Variants in CBR3 observed in about 807,000 individuals in gnomAD.
CBR3 encodes carbonyl reductase 3.
CBR3 carries 14 observed loss-of-function variants against 11.6 expected under a neutral mutation model. The ratio of observed to expected loss-of-function variants is 1.20; its 90% CI spans 0.79 to 1.88. The LOEUF (loss-of-function observed/expected upper bound fraction) is 1.88. Ranked by LOEUF, CBR3 falls within the 40% of genes most tolerant of loss-of-function variation. The pLI is 0.00. For synonymous variants in CBR3, 125 were observed against 145.6 expected (o/e 0.86, Z 1.02); for missense variants, 308 against 357.3 (o/e 0.86, Z 1.11).
intron 2 of CBR3, among the ~76,000 whole-genome samples, chr21:36,140,760 C>A (rs1428232809): frequency 1.3e-5 from 2 of 152,096 alleles, no homozygotes; most frequent in African/African-American, 4.8e-5. Context: ...GTAATCCTAG[C>A]ACTTTGGGAG....
chr21:36,136,053 G>A (rs2065657818), intron 1 of CBR3, among the ~76,000 whole-genome samples: 1 of 152,126 alleles, frequency 6.6e-6, no homozygotes, highest in Admixed American at 6.5e-5. Context: ...CCCCACCCCC[G>A]CCCGGGGAGC....
intron 1 of CBR3, among the ~76,000 whole-genome samples, chr21:36,136,251 G>A (rs968060249): frequency 6.6e-6 from 1 of 151,220 alleles, no homozygotes; most frequent in African/African-American, 2.4e-5. Context: ...CTGGGAGGCA[G>A]TGAGCCGAGA....
intron 2 of CBR3, chr21:36,138,744 CTTTTTTTTTTTTT>C (rs751330163): frequency 8.1e-6 from 1 of 123,172 alleles, no homozygotes; most frequent in African/African-American, 3.2e-5. Flanking sequence ...TTTTTCTTTT[CTTTTTTTTTTTTT>C]TTTTTTGAGA....
intron 1 of CBR3, chr21:36,137,512 AAGG>A: frequency 7.0e-4 from 3 of 4,306 alleles, no homozygotes; most frequent in Non-Finnish European, 1.4e-3. Context: ...GAAAGGAAGG[AAGG>A]AAGGAAGGAA....
intron 1 of CBR3, 162 bp downstream of exon 1, chr21:36,135,643 C>T (rs2065653532): frequency 3.0e-6 from 2 of 673,822 alleles, no homozygotes; most frequent in African/African-American, 1.9e-5. Context: ...TTTCGCTTTC[C>T]GTGATTCGCT....
At chr21:36,146,018 T>G (rs1438063303) in intron 2 of CBR3, 58 bp from the exon 3 acceptor site, 9 of 1,139,672 alleles carry the variant, frequency 7.9e-6, no homozygotes, top group Non-Finnish European at 1.2e-5. Context: ...TGGTATATTA[T>G]TCAACCAGTG....
chr21:36,139,881 CTTTTTTTTTT>C (rs10689993), intron 2 of CBR3, among the ~76,000 whole-genome samples: 90 of 89,868 alleles, frequency 1.0e-3, no homozygotes, highest in Admixed American at 2.4e-3. Context: ...GATGCAAAAC[CTTTTTTTTTT>C]TTTTTTTTTT....
rs1342334257 is a variant in CBR3, at chr21:36,135,248, T to C, written c.56T>C (p.Leu19Ser). ...ACCGGGGCCAACAGGGGCATCGGCTTGGCCATCGCGCGCGAACTGTGCCGA... is the reference window on the plus strand; with the variant it reads ...ACCGGGGCCAACAGGGGCATCGGCTCGGCCATCGCGCGCGAACTGTGCCGA... ...LVTGANRGIG[L>S]AIARELCRQF... Residue 19 changes from leucine to serine, a missense_variant, in exon 1 of 3, where the codon TTG becomes TCG. Coordinates refer to ENST00000290354, the MANE Select transcript of CBR3 (RefSeq NM_001236.4). 3 of 1,578,772 alleles carry C rather than the reference T, an allele frequency of 1.9e-6. No homozygotes were observed. The highest frequency in any genetic ancestry group is 8.6e-7 in the Non-Finnish European group (1 of 1,164,392).
chr21:36,145,007 G>T (rs8130007), intron 2 of CBR3: 127,765 of 152,038 alleles, frequency 0.84, 53,722 homozygotes, highest in Non-Finnish European at 0.87. Context: ...GGGAGGCTGA[G>T]GCAGGAGAAT....
intron 2 of CBR3, chr21:36,138,776 C>T (rs1319098252): frequency 4.8e-5 from 6 of 126,032 alleles, no homozygotes; most frequent in Admixed American, 2.8e-4. Flanking sequence ...GACAGAGTCT[C>T]GCTCTGTCAT....
intron 2 of CBR3, among the ~76,000 whole-genome samples, chr21:36,142,224 A>G (rs2065714829): frequency 6.6e-6 from 1 of 152,064 alleles, no homozygotes; most frequent in Non-Finnish European, 1.5e-5. Context: ...TGAGGTCAGG[A>G]GATTGAGACT....
At position 36,135,330 on chromosome 21, in the gene CBR3, C is replaced by G; in HGVS notation, c.138C>G (p.Ala46=). 6.2e-7 allele frequency: 1 copy of G among 1,611,936 alleles called. No individual in the cohort carries two copies. Among genetic ancestry groups the G allele is most frequent in the Non-Finnish European group, 8.5e-7 (1 of 1,179,408 alleles). Residue 46 remains alanine, a synonymous_variant, in exon 1 of 3, where the codon GCC becomes GCG. Coordinates refer to ENST00000290354, the MANE Select transcript of CBR3 (RefSeq NM_001236.4). The part of the protein sequence containing the change: ...TARDVARGQA[A]VQQLQAEGLS... ...GGGACGTGGCGCGGGGCCAGGCGGC[C>G]GTGCAGCAGCTGCAGGCGGAGGGCC... is the stretch of plus-strand genomic sequence containing the variant.
chr21:36,135,126 G>C lies in CBR3; in HGVS notation c.-67G>C. 1 of 1,385,766 alleles carries C rather than the reference G, an allele frequency of 7.2e-7. No individual in the cohort carries two copies. Among genetic ancestry groups the C allele is most frequent in the Non-Finnish European group, 9.3e-7 (1 of 1,069,718 alleles). The allele number at this position is 1,385,766 out of a possible 1,614,324, so 85.8% of individuals were successfully genotyped here. On this transcript the variant is annotated 5_prime_UTR_variant, in exon 1 of 3. Transcript: ENST00000290354. ...ATTGACACTAGCTGGGCTCCTCGGGGCGCGCCCCAGGTGGTCCGAAGCCCG... is the reference window on the plus strand; with the variant it reads ...ATTGACACTAGCTGGGCTCCTCGGGCCGCGCCCCAGGTGGTCCGAAGCCCG...
At chr21:36,137,568 T>G (rs577367897) in intron 1 of CBR3, among the ~76,000 whole-genome samples, 83 of 149,854 alleles carry the variant, frequency 5.5e-4, no homozygotes, top group African/African-American at 2.0e-3. Context: ...GGAAAGAAAA[T>G]GCAAATTCTG....
intron 2 of CBR3, among the ~76,000 whole-genome samples, chr21:36,141,240 C>T (rs564963185): frequency 1.5e-5 from 2 of 131,804 alleles, no homozygotes; most frequent in Non-Finnish European, 3.1e-5. Flanking sequence ...CTAGCCTGGG[C>T]GACAGAGCAA....
chr21:36,138,739 C>CTTTTTTTTTT (rs1328237057), intron 2 of CBR3: 1 of 137,776 alleles, frequency 7.3e-6, no homozygotes, highest in Non-Finnish European at 1.6e-5. Context: ...CTTTTTTTTT[C>CTTTTTTTTTT]TTTTCTTTTT....
chr21:36,138,950 G>A (rs2065686109), intron 2 of CBR3: 1 of 151,872 alleles, frequency 6.6e-6, no homozygotes, highest in South Asian at 2.1e-4. Context: ...TCACTATGTT[G>A]GCCAGGCTGG....
At chr21:36,143,985 G>C (rs1322131748) in intron 2 of CBR3, among the ~76,000 whole-genome samples, 2 of 152,122 alleles carry the variant, frequency 1.3e-5, no homozygotes, top group African/African-American at 4.8e-5. Context: ...GTCATCCCCA[G>C]GGATTCCTTA....
At chr21:36,143,087 C>T (rs2065726084) in intron 2 of CBR3, among the ~76,000 whole-genome samples, 1 of 152,068 alleles carries the variant, frequency 6.6e-6, no homozygotes, top group South Asian at 2.1e-4. Context: ...GGCAGAGCAC[C>T]TGAGGTCAGG....
Sources: allele counts gnomAD v4.1 joint callset (sites outside exome capture counted in the v4.1 genomes callset), GRCh38; gene constraint gnomAD v4.1.1; transcripts MANE v1.5; gene names NCBI Gene and HGNC (gene_info 2026-07-23, HGNC 2026-07-21).